SMC6: variants seen among roughly 807,000 people sequenced by gnomAD.
The protein encoded by SMC6 is structural maintenance of chromosomes protein 6.
Under a neutral mutation model 142.2 loss-of-function variants are expected in SMC6, and 79 were observed. The ratio of observed to expected loss-of-function variants is 0.56; its 90% CI spans 0.46 to 0.67. The LOEUF (loss-of-function observed/expected upper bound fraction) is 0.67, where lower values mean the gene tolerates loss of function less well. SMC6 is among the 30% of genes least tolerant of loss of function. SMC6 has a pLI of 0.00. For synonymous variants in SMC6, 411 were observed against 412.4 expected, an observed-to-expected ratio of 1.00 and a Z score of 0.04; for missense variants, 1,072 against 1,284.0, an observed-to-expected ratio of 0.83 and a Z score of 2.52.
At chr2:17,681,362 CT>C (rs1667232048) in intron 24 of SMC6, 2 of 152,318 alleles carry the variant, frequency 1.3e-5, no homozygotes, top group African/African-American at 4.8e-5. Flanking sequence ...TGGAATAGCA[CT>C]TTTAATTTCC....
chr2:17,666,401 G>A lies in SMC6; in HGVS notation c.3161+19C>T. 6.3e-7 allele frequency: 1 copy of A among 1,577,278 alleles called. No homozygotes were observed. Among genetic ancestry groups the A allele is most frequent in the Non-Finnish European group, 8.7e-7 (1 of 1,149,708 alleles). On this transcript the variant is annotated intron_variant, in intron 27 of 27. Transcript: ENST00000448223. Reference sequence around the variant, plus strand: ...CTTTTATATACTTGATATGTATCTAGAAAGTTTTAAAAAGTTACCTCATGC... The same window carrying A: ...CTTTTATATACTTGATATGTATCTAAAAAGTTTTAAAAAGTTACCTCATGC...
intron 11 of SMC6, among the ~76,000 whole-genome samples, chr2:17,718,474 A>C (rs1370328222): frequency 6.6e-6 from 1 of 152,222 alleles, no homozygotes; most frequent in Admixed American, 6.5e-5. Flanking sequence ...ATAACACAAA[A>C]GAGAGAGATA....
chr2:17,681,514 C>T (rs1180787121), intron 24 of SMC6: 1 of 152,196 alleles, frequency 6.6e-6, no homozygotes, highest in Non-Finnish European at 1.5e-5. Flanking sequence ...AGAAATCCTA[C>T]TCTTCCTTTC....
At position 17,716,775 on chromosome 2, in the gene SMC6, T is replaced by C. The variant is rs534834201; in HGVS notation, c.1312A>G (p.Ile438Val). The C allele has an allele frequency of 5.6e-6, 9 of 1,612,022 alleles. No homozygotes were observed. The highest frequency in any genetic ancestry group is 3.4e-5 in the Admixed American group (2 of 59,626). ...CCATGTTCTTCTTTGTCCTTTTCTA[T>C]GGCTTGCTGAAACTGTTCGATCTCT... ...NQEIEQFQQA[I>V]EKDKEEHGKI... Residue 438 changes from isoleucine to valine, a missense_variant, in exon 14 of 28, where the codon ATA becomes GTA. This residue lies in a region of SMC6 where 994 missense variants were observed against 1,153.2 expected (regional missense o/e 0.86). Transcript: ENST00000448223.
intron 20 of SMC6, among the ~76,000 whole-genome samples, chr2:17,700,882 A>T (rs1444415162): frequency 6.6e-6 from 1 of 151,882 alleles, no homozygotes; most frequent in Non-Finnish European, 1.5e-5. Flanking sequence ...ATAAAAAATT[A>T]GCCGGGTGTG....
Position 17,668,772 on chromosome 2 carries a change from G to A in SMC6, c.3063+1651C>T, listed in dbSNP as rs1483977759. On this transcript the variant is annotated intron_variant, in intron 26 of 27. Transcript: ENST00000448223. ...AGGGCATACCAGGCAGAGGCACCATGTTTGGAGAATTACAAATAGCTTAGA... is the reference window on the plus strand; with the variant it reads ...AGGGCATACCAGGCAGAGGCACCATATTTGGAGAATTACAAATAGCTTAGA... Among the ~76,000 whole-genome samples, 6 of 152,102 alleles carry A rather than the reference G, an allele frequency of 3.9e-5. No individual in the cohort carries two copies. In the East Asian group the frequency reaches 1.2e-3, roughly 29 times the overall value.
chr2:17,719,904 A>T (rs191875816), intron 11 of SMC6, among the ~76,000 whole-genome samples: 6 of 152,356 alleles, frequency 3.9e-5, no homozygotes, highest in African/African-American at 1.4e-4. Context: ...GACAGGAAAA[A>T]GCAAGCTAGG....
intron 25 of SMC6, among the ~76,000 whole-genome samples, chr2:17,672,255 T>G (rs1156834956): frequency 6.6e-6 from 1 of 152,202 alleles, no homozygotes; most frequent in African/African-American, 2.4e-5. Context: ...TAACATATCA[T>G]GGAACTTCAG....
chr2:17,735,537 T>C (rs1002123868), intron 5 of SMC6, among the ~76,000 whole-genome samples: 1 of 152,186 alleles, frequency 6.6e-6, no homozygotes, highest in Admixed American at 6.5e-5. Flanking sequence ...CTATAACCCT[T>C]GTGCCACAGC....
At chr2:17,702,034 G>A in intron 19 of SMC6, 125 bp from the exon 20 acceptor site, 1 of 589,186 alleles carries the variant, frequency 1.7e-6, no homozygotes, top group Non-Finnish European at 3.0e-6. Context: ...ATTAATGAAA[G>A]GGGTACATTA....
intron 9 of SMC6, 82 bp downstream of exon 9, chr2:17,725,175 C>T (rs1426085530): frequency 1.7e-5 from 15 of 859,060 alleles, no homozygotes; most frequent in Non-Finnish European, 2.5e-5. Flanking sequence ...TATACAGACA[C>T]ATAGTTTTAC....
chr2:17,751,041 G>A (rs1286437195), intron 2 of SMC6, among the ~76,000 whole-genome samples: 1 of 139,486 alleles, frequency 7.2e-6, no homozygotes, highest in African/African-American at 2.6e-5. Context: ...ATTCTCTAAT[G>A]TTACTATTAA....
chr2:17,700,112 A>T, intron 21 of SMC6, 96 bp downstream of exon 21: 2 of 761,964 alleles, frequency 2.6e-6, no homozygotes, highest in Non-Finnish European at 4.0e-6. Flanking sequence ...ATTTACATTT[A>T]ACCAAAAATT....
chr2:17,700,472 A>G, intron 20 of SMC6, 94 bp from the exon 21 acceptor site: 1 of 944,960 alleles, frequency 1.1e-6, no homozygotes, highest in Admixed American at 3.1e-5. Flanking sequence ...AGGAGAAACT[A>G]TAGGCTATAT....
chr2:17,749,283 T>C (rs192825648), intron 2 of SMC6, among the ~76,000 whole-genome samples: 18 of 152,322 alleles, frequency 1.2e-4, no homozygotes, highest in African/African-American at 3.6e-4. Flanking sequence ...GTTTTTAATA[T>C]TTCTTTACTT....
chr2:17,721,300 A>C (rs766130309), intron 9 of SMC6, 39 bp from the exon 10 acceptor site: 58 of 1,514,382 alleles, frequency 3.8e-5, no homozygotes, highest in Non-Finnish European at 5.1e-5. Context: ...TTTTTTATTA[A>C]TGTTGAAAAA....
chr2:17,678,014 T>C lies in SMC6; in HGVS notation c.2910+845A>G, dbSNP rs958560893. On this transcript the variant is annotated intron_variant, in intron 25 of 27. Coordinates refer to ENST00000448223, the MANE Select transcript of SMC6 (RefSeq NM_001142286.2). Reference sequence around the variant, plus strand: ...TGTTCCTGACCTCCTGGCTACACATTTTTTTTAATGCCATATCTCCATATG... The same window carrying C: ...TGTTCCTGACCTCCTGGCTACACATCTTTTTTAATGCCATATCTCCATATG... 9.9e-5 allele frequency among the ~76,000 whole-genome samples: 15 copies of C among 152,072 alleles called. 1 individual carries two copies. Among genetic ancestry groups the C allele is most frequent in the African/African-American group, 3.6e-4 (15 of 41,418 alleles).
chr2:17,686,355 G>A (rs1187018794), intron 23 of SMC6, among the ~76,000 whole-genome samples: 2 of 152,108 alleles, frequency 1.3e-5, no homozygotes, highest in Admixed American at 6.6e-5. Context: ...GGTGGCAGGT[G>A]CTGGTAATCC....
chr2:17,686,276 G>A (rs1667450077), intron 23 of SMC6, among the ~76,000 whole-genome samples: 2 of 152,134 alleles, frequency 1.3e-5, no homozygotes, highest in African/African-American at 4.8e-5. Flanking sequence ...GAGGTCAAGA[G>A]TTCGAGACCA....
Sources: allele counts gnomAD v4.1 joint callset (sites outside exome capture counted in the v4.1 genomes callset), GRCh38; gene constraint gnomAD v4.1.1; regional missense constraint gnomAD v4.1.1; transcripts MANE v1.5; gene names NCBI Gene and HGNC (gene_info 2026-07-23, HGNC 2026-07-21).